The following IGSF10 variants were observed in gnomAD, a reference collection of about 807,000 sequenced individuals.
IGSF10 encodes the protein calvaria mechanical force protein 608.
In IGSF10, 126 loss-of-function variants were observed where a neutral mutation model predicts 128.2. The ratio of observed to expected loss-of-function variants is 0.98; its 90% CI spans 0.85 to 1.14. The LOEUF is 1.14. Among genes scored for constraint, IGSF10 ranks in the 50% most tolerant of loss-of-function variants. The pLI is 0.00. For synonymous variants in IGSF10, 1,185 were observed against 1,146.2 expected, an observed-to-expected ratio of 1.03 and a Z score of -0.68; for missense variants, 3,295 against 3,149.8, an observed-to-expected ratio of 1.05 and a Z score of -1.10.
At chr3:151,526,671 T>A in the IGSF10 span, among the ~76,000 whole-genome samples, 1 of 152,222 alleles carries the variant, frequency 6.6e-6, no homozygotes, top group Non-Finnish European at 1.5e-5. Flanking sequence ...ATTTCTTTCC[T>A]TGATGTTTTT....
chr3:151,550,143 T>G, the IGSF10 span, among the ~76,000 whole-genome samples: 1 of 152,122 alleles, frequency 6.6e-6, no homozygotes, highest in Non-Finnish European at 1.5e-5. Context: ...TGTCTTATAT[T>G]TTGACTCTGC....
the IGSF10 span, among the ~76,000 whole-genome samples, chr3:151,585,903 G>T: frequency 1.3e-5 from 2 of 151,796 alleles, no homozygotes; most frequent in Admixed American, 1.3e-4. Context: ...AGAATTACAA[G>T]CATTTTAGAG....
intron 6 of IGSF10, among the ~76,000 whole-genome samples, chr3:151,444,697 T>C (rs1721079074): frequency 6.6e-6 from 1 of 152,248 alleles, no homozygotes; most frequent in African/African-American, 2.4e-5. Context: ...CATATTACTT[T>C]GAATCAGCTT....
At chr3:151,603,842 A>C in the IGSF10 span, among the ~76,000 whole-genome samples, 53 of 152,368 alleles carry the variant, frequency 3.5e-4, no homozygotes, top group Middle Eastern at 0.01. Flanking sequence ...AAAGAAGCTG[A>C]TGTCCCAGTT....
chr3:151,559,729 G>A, the IGSF10 span, among the ~76,000 whole-genome samples: 1 of 152,136 alleles, frequency 6.6e-6, no homozygotes, highest in Non-Finnish European at 1.5e-5. Context: ...GGGAGAGTAA[G>A]AGAGTGGTCC....
At chr3:151,466,222 C>T in the IGSF10 span, among the ~76,000 whole-genome samples, 7 of 152,026 alleles carry the variant, frequency 4.6e-5, no homozygotes, top group Non-Finnish European at 8.8e-5. Flanking sequence ...CTGGCGACCC[C>T]CAGAAATACC....
At chr3:151,444,709 T>C (rs1410663841) in intron 6 of IGSF10, among the ~76,000 whole-genome samples, 1 of 152,240 alleles carries the variant, frequency 6.6e-6, no homozygotes, top group Non-Finnish European at 1.5e-5. Context: ...AATCAGCTTT[T>C]GAGGCATTCC....
chr3:151,487,591 T>A, the IGSF10 span, among the ~76,000 whole-genome samples: 1 of 152,210 alleles, frequency 6.6e-6, no homozygotes, highest in African/African-American at 2.4e-5. Flanking sequence ...AATAAAATAC[T>A]GGCAAACCAA....
intron 7 of IGSF10, among the ~76,000 whole-genome samples, chr3:151,440,035 CTTTAT>C (rs1251394469): frequency 6.7e-6 from 1 of 149,916 alleles, no homozygotes; most frequent in African/African-American, 2.5e-5. Flanking sequence ...TTTCTATTTA[CTTTAT>C]ATTTTTTTGA....
Position 151,446,566 on chromosome 3 carries a change from T to C in IGSF10, c.3415A>G (p.Thr1139Ala), listed in dbSNP as rs1414400145. 2.5e-6 allele frequency: 4 copies of C among 1,613,764 alleles called. No individual in the cohort carries two copies. Among genetic ancestry groups the C allele is most frequent in the South Asian group, 1.1e-5 (1 of 91,066 alleles). Reference sequence around the variant, plus strand: ...GGAGCATATGTCATGACTGCACCAGTTGGAGTCACTTGGGAAATTTCAGTC... The same window carrying C: ...GGAGCATATGTCATGACTGCACCAGCTGGAGTCACTTGGGAAATTTCAGTC... Reference protein sequence around the residue: ...FRTEISQVTPTGAVMTYAPTS... With the variant: ...FRTEISQVTPAGAVMTYAPTS... The change falls in exon 6 of 8, where the codon ACT becomes GCT. Residue 1139 changes from threonine (T) to alanine (A), a missense_variant. By Grantham distance (58) the Thr-to-Ala change is moderately conservative. Transcript: ENST00000282466.
chr3:151,445,813 C>T lies in IGSF10; in HGVS notation c.4168G>A (p.Val1390Ile). Residue 1390 changes from valine (V) to isoleucine (I), a missense_variant, in exon 6 of 8, where the codon GTC becomes ATC. Physicochemically the swap from Val to Ile is conservative, Grantham distance 29. Coordinates refer to ENST00000282466, the MANE Select transcript of IGSF10 (RefSeq NM_178822.5). The stretch of plus-strand genomic sequence containing the variant: ...GGTGGGGAATGAGTGAATGCAGAGA[C>T]ACTGGGCTTGACTGAAGTTTCGGCT... ...TTAETSVKPS[V>I]SAFTHSPPEN... The T allele has an allele frequency of 6.2e-7, 1 of 1,614,198 alleles. No homozygotes were observed. The highest frequency in any genetic ancestry group is 8.5e-7 in the Non-Finnish European group (1 of 1,180,040).
the IGSF10 span, among the ~76,000 whole-genome samples, chr3:151,586,387 T>C: frequency 1.3e-5 from 2 of 152,174 alleles, no homozygotes; most frequent in Non-Finnish European, 2.9e-5. Context: ...ATCACCAACA[T>C]TAGAAGAACC....
chr3:151,513,077 C>A, the IGSF10 span, among the ~76,000 whole-genome samples: 1 of 152,014 alleles, frequency 6.6e-6, no homozygotes, highest in Admixed American at 6.5e-5. Flanking sequence ...CTATTCCAAT[C>A]AATAGAAAAA....
chr3:151,442,927 A>C, intron 7 of IGSF10, 57 bp downstream of exon 7: 1 of 1,474,636 alleles, frequency 6.8e-7, no homozygotes, highest in Non-Finnish European at 9.1e-7. Flanking sequence ...TCCATTTCAG[A>C]AGTTGTACAG....
chr3:151,580,509 A>ATGCATAAAT, the IGSF10 span, among the ~76,000 whole-genome samples: 1 of 152,332 alleles, frequency 6.6e-6, no homozygotes, highest in Non-Finnish European at 1.5e-5. Context: ...CATGTATACA[A>ATGCATAAAT]TGCATAAATG....
rs765671232 is a variant in IGSF10 at position 151,447,001 on chromosome 3, A to C, written c.2980T>G (p.Phe994Val). Reference protein sequence around the residue: ...SDPHTAAHSQFPIPRNSTVNI... With the variant: ...SDPHTAAHSQVPIPRNSTVNI... ...ACTGTACTATTTCTAGGGATCGGAA[A>C]CTGAGAATGAGCAGCTGTGTGTGGA... The change falls in exon 6 of 8, where the codon TTT becomes GTT. Residue 994 changes from phenylalanine to valine, a missense_variant. Coordinates refer to ENST00000282466, the MANE Select transcript of IGSF10 (RefSeq NM_178822.5). 1.2e-6 allele frequency: 2 copies of C among 1,614,218 alleles called. No individual in the cohort carries two copies. Among genetic ancestry groups the C allele is most frequent in the Non-Finnish European group, 8.5e-7 (1 of 1,180,044 alleles).
chr3:151,465,525 T>C (rs947019650), upstream of IGSF10, among the ~76,000 whole-genome samples: 1 of 152,252 alleles, frequency 6.6e-6, no homozygotes. Context: ...CCTAAGAGAT[T>C]TGAGAACTCT....
At chr3:151,538,331 A>G in the IGSF10 span, among the ~76,000 whole-genome samples, 1 of 152,170 alleles carries the variant, frequency 6.6e-6, no homozygotes, top group Non-Finnish European at 1.5e-5. Context: ...TAAAAGCTTA[A>G]AAAGGCTGTT....
the IGSF10 span, among the ~76,000 whole-genome samples, chr3:151,510,332 T>G: frequency 2.0e-5 from 3 of 152,198 alleles, no homozygotes; most frequent in East Asian, 5.8e-4. Flanking sequence ...TCCACTGTTC[T>G]GCAGCCACTG....
Sources: gnomAD v4.1 joint callset for allele counts (sites outside exome capture counted in the v4.1 genomes callset) on GRCh38, gnomAD v4.1.1 for gene constraint, MANE v1.5 for transcripts, NCBI Gene and HGNC (gene_info 2026-07-23, HGNC 2026-07-21) for gene names.